Variants in HERC3 observed in about 807,000 individuals in gnomAD.
HERC3 encodes the protein HECT and RLD domain containing E3 ubiquitin protein ligase 3.
Under a neutral mutation model 129.9 loss-of-function variants are expected in HERC3, and 58 were observed. The observed-to-expected ratio is 0.45, with a 90% CI of 0.36 to 0.56. The LOEUF (loss-of-function observed/expected upper bound fraction) is 0.56, where lower values mean the gene tolerates loss of function less well. HERC3 is among the 20% of genes least tolerant of loss of function. The probability of loss-of-function intolerance (pLI) is 0.00; values close to 1 mark genes in which losing one functional copy is unlikely to be tolerated. For missense variants in HERC3, 835 were observed against 1,244.2 expected (o/e 0.67, Z 4.95); for synonymous variants, 430 against 451.0 (o/e 0.95, Z 0.59).
At chr4:88,558,829 A>G in the HERC3 span, among the ~76,000 whole-genome samples, 4 of 151,770 alleles carry the variant, frequency 2.6e-5, no homozygotes, top group East Asian at 1.9e-4. Context: ...TTAGCCAGGC[A>G]TGATGGTGGG....
At chr4:88,535,504 A>G in the HERC3 span, among the ~76,000 whole-genome samples, 3 of 152,320 alleles carry the variant, frequency 2.0e-5, no homozygotes, top group South Asian at 6.2e-4. Flanking sequence ...ACTCACCTAC[A>G]CTTCCCCAGA....
At chr4:88,561,655 T>C in the HERC3 span, among the ~76,000 whole-genome samples, 2 of 152,186 alleles carry the variant, frequency 1.3e-5, no homozygotes, top group African/African-American at 4.8e-5. Context: ...ACTTCCCCTC[T>C]TTCCTTATTA....
At chr4:88,594,006 C>G (rs755160081) in intron 1 of HERC3, among the ~76,000 whole-genome samples, 9 of 152,202 alleles carry the variant, frequency 5.9e-5, no homozygotes, top group Non-Finnish European at 1.3e-4. Context: ...AGGCTAGGAA[C>G]TTTCTGTAAA....
rs550462512 is a variant in HERC3, at chr4:88,605,106, T to C, written c.-29-689T>C. On this transcript the variant is annotated intron_variant, in intron 2 of 25. Transcript: ENST00000402738. ...GGAGATTAAAATCTGTTTGGGGAGT[T>C]AAGTTATAAAGATATAAAGAGAAAG... Among the ~76,000 whole-genome samples the C allele has an allele frequency of 4.5e-4, 69 of 152,248 alleles. 2 individuals carry two copies. The South Asian group carries it at 9.3e-3, about 21-fold the overall frequency.
rs117760620 is a variant in HERC3 at position 88,662,063 on chromosome 4, G to A, written c.1147-368G>A. On this transcript the variant is annotated intron_variant, in intron 10 of 25. Coordinates refer to ENST00000402738, the MANE Select transcript of HERC3 (RefSeq NM_014606.3). ...TGAGGGATGAAGGAGGCAGGATTGC[G>A]CAGAGGGAGGGGTTGAAATGCAATT... Among the ~76,000 whole-genome samples, 38 of 152,294 alleles carry A rather than the reference G, an allele frequency of 2.5e-4. No homozygotes were observed. In the East Asian group the frequency reaches 6.2e-3, roughly 25 times the overall value.
the HERC3 span, among the ~76,000 whole-genome samples, chr4:88,565,088 G>A: frequency 6.6e-6 from 1 of 152,006 alleles, no homozygotes; most frequent in Non-Finnish European, 1.5e-5. Context: ...TGTGATCAGA[G>A]AAAGTACTTG....
At chr4:88,537,164 A>T in the HERC3 span, among the ~76,000 whole-genome samples, 2 of 152,212 alleles carry the variant, frequency 1.3e-5, no homozygotes, top group African/African-American at 4.8e-5. Flanking sequence ...TGTATAATTT[A>T]TGAATTTAAA....
intron 23 of HERC3, chr4:88,693,728 C>CCATGCCATTTTTCACAGTAAGCATCGG: frequency 1.0e-6 from 1 of 977,644 alleles, no homozygotes; most frequent in Non-Finnish European, 1.2e-6. Context: ...GAGAGAGCTG[C>CCATGCCATTTTTCACAGTAAGCATCGG]CATGCCATTT....
chr4:88,644,748 G>A (rs986236864), intron 3 of HERC3, among the ~76,000 whole-genome samples: 1 of 152,092 alleles, frequency 6.6e-6, no homozygotes, highest in Non-Finnish European at 1.5e-5. Context: ...CCAAAAAAAG[G>A]TCAAGTTTAT....
rs989912464 is a variant in HERC3 at position 88,592,486 on chromosome 4, A to G, written c.-176A>G. On this transcript the variant is annotated 5_prime_UTR_variant, in exon 1 of 26. Transcript: ENST00000402738. ...AGGCTTGCGGGGAAACTTCCTTATT[A>G]TTGTGACGCCGAAAACGGAGAAACC... 1 of 152,232 alleles carries G rather than the reference A, an allele frequency of 6.6e-6. No homozygotes were observed. Among genetic ancestry groups the G allele is most frequent in the Non-Finnish European group, 1.5e-5 (1 of 68,128 alleles). The allele number at this position is 152,232 out of a possible 1,614,324, so 9.4% of individuals were successfully genotyped here.
chr4:88,680,552 C>T (rs1401885353), intron 20 of HERC3, among the ~76,000 whole-genome samples: 1 of 152,146 alleles, frequency 6.6e-6, no homozygotes, highest in Non-Finnish European at 1.5e-5. Flanking sequence ...TCAAATATGT[C>T]TGATATTAAT....
intron 2 of HERC3, among the ~76,000 whole-genome samples, chr4:88,604,145 C>T (rs1578148031): frequency 6.6e-6 from 1 of 152,148 alleles, no homozygotes; most frequent in East Asian, 1.9e-4. Context: ...CTCAGCCTCC[C>T]GAGTAGCTGG....
intron 14 of HERC3, 40 bp from the exon 15 acceptor site, chr4:88,669,820 A>C (rs753827427): frequency 2.6e-6 from 4 of 1,568,058 alleles, no homozygotes; most frequent in Non-Finnish European, 3.5e-6. Flanking sequence ...TACTTGCCCA[A>C]GATTACATGT....
At chr4:88,642,068 T>C (rs1728160150) in intron 3 of HERC3, among the ~76,000 whole-genome samples, 1 of 144,284 alleles carries the variant, frequency 6.9e-6, no homozygotes, top group African/African-American at 2.6e-5. Context: ...GAGGTGGAGG[T>C]TGCAGTGAGC....
chr4:88,687,618 A>T lies in HERC3; in HGVS notation c.2657+319A>T, dbSNP rs775987229. Among the ~76,000 whole-genome samples the T allele has an allele frequency of 1.4e-4, 21 of 152,152 alleles. 1 individual carries two copies. The highest frequency in any genetic ancestry group is 2.2e-4 in the Non-Finnish European group (15 of 68,034). On this transcript the variant is annotated intron_variant, in intron 23 of 25. Transcript: ENST00000402738. Reference sequence around the variant, plus strand: ...ATCACTGTGCTCTCTACTTCATGGGATGGTTGTGAGAATGAAATGAGATAA... The same window carrying T: ...ATCACTGTGCTCTCTACTTCATGGGTTGGTTGTGAGAATGAAATGAGATAA...
the HERC3 span, among the ~76,000 whole-genome samples, chr4:88,528,831 T>C: frequency 5.3e-5 from 8 of 152,222 alleles, no homozygotes; most frequent in African/African-American, 1.2e-4. Flanking sequence ...CCGGTGTTAT[T>C]TCTCTATCAG....
chr4:88,543,118 T>C, the HERC3 span, among the ~76,000 whole-genome samples: 2 of 152,114 alleles, frequency 1.3e-5, no homozygotes, highest in South Asian at 4.2e-4. Flanking sequence ...AAATAAAGGG[T>C]ATTCAATTAG....
intron 3 of HERC3, among the ~76,000 whole-genome samples, chr4:88,636,687 A>G (rs1001377026): frequency 2.6e-5 from 4 of 152,252 alleles, no homozygotes; most frequent in African/African-American, 9.6e-5. Flanking sequence ...AACAGAGTGT[A>G]CATTCTTATC....
intron 16 of HERC3, 127 bp downstream of exon 16, chr4:88,670,379 C>A (rs950507443): frequency 1.1e-5 from 7 of 647,558 alleles, no homozygotes; most frequent in African/African-American, 9.2e-5. Flanking sequence ...TGGCCTTTTG[C>A]ATTCTAGAAA....
Sources: allele counts gnomAD v4.1 joint callset (sites outside exome capture counted in the v4.1 genomes callset), GRCh38; gene constraint gnomAD v4.1.1; transcripts MANE v1.5; gene names NCBI Gene and HGNC (gene_info 2026-07-23, HGNC 2026-07-21).